Variants in POLR2F observed in about 807,000 individuals in gnomAD.
POLR2F encodes the protein RNA polymerase II, I and III subunit F.
POLR2F carries 12 observed loss-of-function variants against 22.7 expected under a neutral mutation model. That is an observed-to-expected ratio of 0.53 (90% CI 0.34 to 0.86). The LOEUF (loss-of-function observed/expected upper bound fraction) is 0.86, where lower values mean the gene tolerates loss of function less well. POLR2F is among the 40% of genes least tolerant of loss of function. POLR2F has a pLI of 0.02. For synonymous variants in POLR2F, 57 were observed against 66.0 expected (o/e 0.86, Z 0.66); for missense variants, 126 against 171.5 (o/e 0.73, Z 1.48).
chr22:37,962,247 CA>C (rs1054205313), intron 3 of POLR2F, among the ~76,000 whole-genome samples: 2 of 147,228 alleles, frequency 1.4e-5, no homozygotes, highest in Admixed American at 6.8e-5. Context: ...AACAAACAAA[CA>C]AAAAAAAAAC....
downstream of POLR2F, among the ~76,000 whole-genome samples, chr22:37,969,790 C>G (rs946512558): frequency 6.6e-6 from 1 of 152,154 alleles, no homozygotes; most frequent in Non-Finnish European, 1.5e-5. Context: ...AAGAGGAGAT[C>G]GGGCACTAGC....
intron 3 of POLR2F, among the ~76,000 whole-genome samples, chr22:37,965,926 G>A (rs1222255020): frequency 6.6e-6 from 1 of 152,206 alleles, no homozygotes. Flanking sequence ...CTTCCTAGAG[G>A]AGATGGGCCT....
At chr22:37,962,912 G>A (rs1401318281) in intron 3 of POLR2F, among the ~76,000 whole-genome samples, 2 of 151,790 alleles carry the variant, frequency 1.3e-5, no homozygotes, top group Non-Finnish European at 2.9e-5. Context: ...GGATGGTCTC[G>A]ATCTCCTGAC....
intron 1 of POLR2F, among the ~76,000 whole-genome samples, chr22:37,995,892 C>G (rs1272299982): frequency 6.6e-6 from 1 of 151,756 alleles, no homozygotes; most frequent in Non-Finnish European, 1.5e-5. Context: ...CCCAGCTACT[C>G]GGGAAGCTGA....
chr22:37,956,156 C>T (rs369516479), intron 1 of POLR2F, among the ~76,000 whole-genome samples: 35 of 151,498 alleles, frequency 2.3e-4, no homozygotes, highest in African/African-American at 8.5e-4. Context: ...ATGGCGTGAT[C>T]TCAGCTCACC....
chr22:37,971,138 G>A, downstream of POLR2F: 1 of 438,204 alleles, frequency 2.3e-6, no homozygotes, highest in Non-Finnish European at 4.8e-6. Context: ...TGGAGCAGTG[G>A]AAGATGCATT....
At chr22:38,027,790 C>T (rs1432984428), downstream of POLR2F, among the ~76,000 whole-genome samples, 1 of 152,200 alleles carries the variant, frequency 6.6e-6, no homozygotes, top group Non-Finnish European at 1.5e-5. Context: ...GCACCCAGCA[C>T]AGTGCGGGCT....
intron 1 of POLR2F, among the ~76,000 whole-genome samples, chr22:38,012,794 A>C (rs2084882765): frequency 6.6e-6 from 1 of 152,052 alleles, no homozygotes; most frequent in Admixed American, 6.5e-5. Flanking sequence ...TGTTTTTTCA[A>C]ATGAGGGTGT....
At chr22:38,039,910 G>A (rs2085154962) in intron 5 of POLR2F, among the ~76,000 whole-genome samples, 1 of 152,210 alleles carries the variant, frequency 6.6e-6, no homozygotes, top group African/African-American at 2.4e-5. Context: ...AGTTGGGAAA[G>A]GAAGGCTTCC....
chr22:37,995,240 C>T (rs574683162), intron 1 of POLR2F, among the ~76,000 whole-genome samples: 1 of 152,208 alleles, frequency 6.6e-6, no homozygotes, highest in Non-Finnish European at 1.5e-5. Context: ...TGTTTCCCAC[C>T]TTTTGTCCCC....
At chr22:38,009,797 T>C (rs907434093) in intron 1 of POLR2F, among the ~76,000 whole-genome samples, 3 of 152,238 alleles carry the variant, frequency 2.0e-5, no homozygotes, top group Non-Finnish European at 2.9e-5. Flanking sequence ...GTCTGGCTTC[T>C]GTCACTCAGC....
rs576414100 is a variant in POLR2F at position 38,025,368 on chromosome 22, A to G, written c.121-501A>G. On this transcript the variant is annotated intron_variant, in intron 1 of 2. Transcript: ENST00000333418. ...ACACAATCACAACGTACACACACACACGCACAGTCATACACAATCACAATA... is the reference window on the plus strand; with the variant it reads ...ACACAATCACAACGTACACACACACGCGCACAGTCATACACAATCACAATA... Among the ~76,000 whole-genome samples the G allele has an allele frequency of 2.6e-5, 4 of 152,190 alleles. No homozygotes were observed. In the South Asian group the frequency reaches 8.3e-4, roughly 32 times the overall value.
intron 2 of POLR2F, among the ~76,000 whole-genome samples, chr22:37,957,398 A>G (rs1931443517): frequency 6.6e-6 from 1 of 152,190 alleles, no homozygotes. Context: ...GAAGGCAGAT[A>G]AAAGAGTTAT....
At position 37,994,512 on chromosome 22, in the gene POLR2F, A is replaced by ATTATTTAT. The variant is rs773283034; in HGVS notation, c.120+8215_120+8222dup. Among the ~76,000 whole-genome samples, 1,028 of 151,624 alleles carry ATTATTTAT rather than the reference A, an allele frequency of 6.8e-3. 4 individuals are homozygous for ATTATTTAT. The highest frequency in any genetic ancestry group is 0.02 in the Middle Eastern group (6 of 294). On this transcript the variant is annotated intron_variant, in intron 1 of 2. Transcript: ENST00000333418. ...CAGGCACCAGCCACCACGCCTGGCTATTATTTATTTATTTATTTATTTTTG... is the reference window on the plus strand; with the variant it reads ...CAGGCACCAGCCACCACGCCTGGCTATTATTTATTTATTTATTTATTTATTTATTTTTG...
At chr22:38,004,016 G>A (rs575929100) in intron 1 of POLR2F, among the ~76,000 whole-genome samples, 1 of 152,244 alleles carries the variant, frequency 6.6e-6, no homozygotes, top group African/African-American at 2.4e-5. Context: ...TTTAGATGGG[G>A]TGTCGCTGTG....
chr22:37,992,547 G>A (rs1932748802), intron 1 of POLR2F, among the ~76,000 whole-genome samples: 3 of 151,966 alleles, frequency 2.0e-5, no homozygotes, highest in Admixed American at 6.6e-5. Flanking sequence ...AGTGCACATC[G>A]CCATGCTTTG....
chr22:38,035,984 T>C (rs2085112360), intron 5 of POLR2F, among the ~76,000 whole-genome samples: 1 of 150,106 alleles, frequency 6.7e-6, no homozygotes, highest in Non-Finnish European at 1.5e-5. Context: ...CTTTTCTTTT[T>C]TTTTTTTTTG....
chr22:38,006,696 G>A (rs1247265325), intron 1 of POLR2F, among the ~76,000 whole-genome samples: 4 of 152,214 alleles, frequency 2.6e-5, no homozygotes, highest in Admixed American at 6.5e-5. Flanking sequence ...GAAGGGCCTG[G>A]CTTGGGGAGG....
chr22:38,037,695 C>T (rs866939584), intron 5 of POLR2F, among the ~76,000 whole-genome samples: 14 of 151,698 alleles, frequency 9.2e-5, no homozygotes, highest in East Asian at 1.9e-4. Context: ...CGGGTTCACG[C>T]GATTCTCCAG....
Sources: gnomAD v4.1 joint callset for allele counts (sites outside exome capture counted in the v4.1 genomes callset) on GRCh38, gnomAD v4.1.1 for gene constraint, MANE v1.5 for transcripts, NCBI Gene and HGNC (gene_info 2026-07-23, HGNC 2026-07-21) for gene names.